ZNF214: variants seen among roughly 807,000 people sequenced by gnomAD.
ZNF214 encodes the protein zinc finger protein 214, also known as BWSCR2-associated zinc finger protein 1.
In ZNF214, 43 loss-of-function variants were observed where a neutral mutation model predicts 53.9. That is an observed-to-expected ratio of 0.80 (90% confidence interval 0.63 to 1.03). The LOEUF is 1.03. Among genes scored for constraint, ZNF214 ranks in the 50% least tolerant of loss-of-function variants. The pLI, the probability that ZNF214 is intolerant of heterozygous loss-of-function variation, is 0.00. For synonymous variants in ZNF214, 217 were observed against 229.5 expected (o/e 0.95, Z 0.49); for missense variants, 724 against 719.1 (o/e 1.01, Z -0.08).
chr11:7,013,601 G>A lies in ZNF214; in HGVS notation c.-21+6472C>T, dbSNP rs554377538. Among the ~76,000 whole-genome samples, 183 of 152,318 alleles carry A rather than the reference G, an allele frequency of 1.2e-3. 2 individuals carry two copies. Among genetic ancestry groups the A allele is most frequent in the Middle Eastern group, 6.8e-3 (2 of 294 alleles). ...TACCAATAAATAGCGTGGGCTCCCA[G>A]AGCTTGGGGCCTTCGCAGCCTCCGT... On this transcript the variant is annotated intron_variant, in intron 1 of 2. Coordinates refer to ENST00000278314, the MANE Select transcript of ZNF214 (RefSeq NM_013249.4).
chr11:6,999,035 A>G lies in ZNF214; in HGVS notation c.*827T>C, dbSNP rs1017032660. 1.3e-5 allele frequency among the ~76,000 whole-genome samples: 2 copies of G among 151,974 alleles called. No homozygotes were observed. Among genetic ancestry groups the G allele is most frequent in the Non-Finnish European group, 2.9e-5 (2 of 67,934 alleles). On this transcript the variant is annotated 3_prime_UTR_variant, in exon 3 of 3. Coordinates refer to ENST00000278314, the MANE Select transcript of ZNF214 (RefSeq NM_013249.4). ...TCTATTACCACTCTGTTCTACTGAG[A>G]TTAAATAAAATTCTACTGCTTGGAT...
chr11:7,016,195 T>C (rs886245652), intron 1 of ZNF214, among the ~76,000 whole-genome samples: 5 of 152,206 alleles, frequency 3.3e-5, no homozygotes, highest in Non-Finnish European at 5.9e-5. Flanking sequence ...ATGTATGATC[T>C]TGTTTAACAT....
At position 7,001,527 on chromosome 11, in the gene ZNF214, T is replaced by C; in HGVS notation, c.156A>G (p.Gln52=). The change falls in exon 3 of 3, where the codon CAA becomes CAG. Residue 52 remains glutamine, a synonymous_variant. Coordinates refer to ENST00000278314, the MANE Select transcript of ZNF214 (RefSeq NM_013249.4). ...ATTCTAAGTATCTGAATTTTTCTTCTTGGGATTTGTAGCTCTCATTCCAGT... is the reference window on the plus strand; with the variant it reads ...ATTCTAAGTATCTGAATTTTTCTTCCTGGGATTTGTAGCTCTCATTCCAGT... ...VENWNESYKS[Q]EEKFRYLEYE... 1 of 1,607,020 alleles carries C rather than the reference T, an allele frequency of 6.2e-7. No individual in the cohort carries two copies. Among genetic ancestry groups the C allele is most frequent in the Non-Finnish European group, 8.5e-7 (1 of 1,175,872 alleles).
In ZNF214 at chr11:7,001,045, GA is replaced by G. The variant is rs760169005; in HGVS notation, c.637del (p.Ser213GlnfsTer58). 1 of 1,613,184 alleles carries G rather than the reference GA, an allele frequency of 6.2e-7. No individual in the cohort carries two copies. The highest frequency in any genetic ancestry group is 8.5e-7 in the Non-Finnish European group (1 of 1,179,548). On this transcript the variant is annotated frameshift_variant, in exon 3 of 3. Transcript: ENST00000278314. LOFTEE classifies it high-confidence loss of function. ...VICQEDLLRD[S>X]MEEKYCGCNK... ...ACATCCACAGTACTTTTCTTCCATTGAATCTCTCAGTAGGTCTTCTTGACAT... is the reference window on the plus strand; with the variant it reads ...ACATCCACAGTACTTTTCTTCCATTGATCTCTCAGTAGGTCTTCTTGACAT...
At chr11:7,019,779 T>C (rs987343745) in intron 1 of ZNF214, 2 of 152,266 alleles carry the variant, frequency 1.3e-5, no homozygotes, top group African/African-American at 4.8e-5. Context: ...GTTAACCCTC[T>C]TTCTCTAGGG....
In ZNF214 at chr11:7,012,570, G is replaced by A. The variant is rs186834043; in HGVS notation, c.-21+7503C>T. ...TCACAAGCTAGTTAATCAAAGGGGG[G>A]AAAAGGAGCACAAATAGAAAAAAAT... On this transcript the variant is annotated intron_variant, in intron 1 of 2. Coordinates refer to ENST00000278314, the MANE Select transcript of ZNF214 (RefSeq NM_013249.4). Among the ~76,000 whole-genome samples the A allele has an allele frequency of 4.1e-3, 618 of 152,090 alleles. 6 individuals are homozygous for A. Among genetic ancestry groups the A allele is most frequent in the African/African-American group, 0.014 (588 of 41,500 alleles).
chr11:7,014,975 T>C (rs1215582503), intron 1 of ZNF214, among the ~76,000 whole-genome samples: 2 of 152,124 alleles, frequency 1.3e-5, no homozygotes, highest in East Asian at 3.9e-4. Flanking sequence ...TTTTAAATTG[T>C]ACGTATGTTT....
Position 7,000,422 on chromosome 11 carries a change from T to C in ZNF214, c.1261A>G (p.Lys421Glu), listed in dbSNP as rs780494151. The change falls in exon 3 of 3, where the codon AAA (lysine) becomes GAA (glutamate). Residue 421 changes from lysine to glutamate, a missense_variant. By Grantham distance (56) the Lys-to-Glu change is moderately conservative. Coordinates refer to ENST00000278314, the MANE Select transcript of ZNF214 (RefSeq NM_013249.4). ...AGATTTGAGCGCTGGGTAAAGCCTTTACCACAGTCTTCACATTTATAAGAC... is the reference window on the plus strand; with the variant it reads ...AGATTTGAGCGCTGGGTAAAGCCTTCACCACAGTCTTCACATTTATAAGAC... ...EKSYKCEDCGKGFTQRSNLQI... is the reference protein window; with the variant it reads ...EKSYKCEDCGEGFTQRSNLQI... The C allele has an allele frequency of 1.2e-5, 19 of 1,613,278 alleles. No homozygotes were observed. Among genetic ancestry groups the C allele is most frequent in the East Asian group, 2.2e-5 (1 of 44,862 alleles).
rs138432029 is a variant in ZNF214, at chr11:7,001,153, G to A, written c.530C>T (p.Ser177Phe). The change falls in exon 3 of 3, where the codon TCC (serine) becomes TTC (phenylalanine). Residue 177 changes from serine to phenylalanine, a missense_variant. Physicochemically the swap from Ser to Phe is radical, Grantham distance 155. Transcript: ENST00000278314. ...YRLGISRKNL[S>F]MEKEQKLIVQ... ...TATGAGCTTCTGTTCTTTTTCCATG[G>A]AGAGGTTTTTCCTGGATATGCCAAG... 7.0e-4 allele frequency: 1,122 copies of A among 1,613,256 alleles called. 8 individuals are homozygous for A. In the African/African-American group the frequency reaches 0.012, roughly 18 times the overall value.
chr11:7,009,329 A>G (rs988364413), intron 1 of ZNF214, among the ~76,000 whole-genome samples: 5 of 152,214 alleles, frequency 3.3e-5, no homozygotes, highest in African/African-American at 1.2e-4. Flanking sequence ...CAATGGGGAA[A>G]GGACTCCTAT....
chr11:7,002,546 G>A (rs1851378520), intron 2 of ZNF214, among the ~76,000 whole-genome samples, 163 bp downstream of exon 2: 1 of 151,888 alleles, frequency 6.6e-6, no homozygotes, highest in Non-Finnish European at 1.5e-5. Context: ...TAGGTGTCCT[G>A]GAATCTGTCT....
In ZNF214 at chr11:7,000,038, T is replaced by C; in HGVS notation, c.1645A>G (p.Thr549Ala). 6.2e-7 allele frequency: 1 copy of C among 1,613,350 alleles called. No homozygotes were observed. Among genetic ancestry groups the C allele is most frequent in the Non-Finnish European group, 8.5e-7 (1 of 1,179,542 alleles). The change falls in exon 3 of 3, where the codon ACA becomes GCA. Residue 549 changes from threonine (T) to alanine (A), a missense_variant. Thr to Ala is a moderately conservative substitution (Grantham distance 58). Coordinates refer to ENST00000278314, the MANE Select transcript of ZNF214 (RefSeq NM_013249.4). ...GCACATTGATAAGGCTTCTCTCCTG[T>C]ATGGACCCTCTGATGAATGTGAAGA... ...SNLHIHQRVH[T>A]GEKPYQCAKC...
At chr11:7,013,949 A>C (rs1363591180) in intron 1 of ZNF214, among the ~76,000 whole-genome samples, 4 of 152,244 alleles carry the variant, frequency 2.6e-5, no homozygotes, top group African/African-American at 9.6e-5. Context: ...ACTTATTAAA[A>C]TTCAACATGC....
In ZNF214 at chr11:6,998,656, T is replaced by A. The variant is rs1237232209; in HGVS notation, c.*1206A>T. On this transcript the variant is annotated 3_prime_UTR_variant, in exon 3 of 3. Coordinates refer to ENST00000278314, the MANE Select transcript of ZNF214 (RefSeq NM_013249.4). ...CTTTAGATACTCTTCTCTACTTGTA[T>A]ATTTCTACTCTATCTTTACTGAGTT... Among the ~76,000 whole-genome samples, 1 of 152,012 alleles carries A rather than the reference T, an allele frequency of 6.6e-6. No individual in the cohort carries two copies. Among genetic ancestry groups the A allele is most frequent in the Admixed American group, 6.6e-5 (1 of 15,234 alleles).
intron 1 of ZNF214, among the ~76,000 whole-genome samples, chr11:7,013,701 C>A (rs1851672026): frequency 6.6e-6 from 1 of 152,120 alleles, no homozygotes; most frequent in Non-Finnish European, 1.5e-5. Flanking sequence ...TTTGACTCCG[C>A]CGGACTTTGT....
Position 7,001,056 on chromosome 11 carries a change from T to C in ZNF214, c.627A>G (p.Leu209=). Reference sequence around the variant, plus strand: ...ACTTTTCTTCCATTGAATCTCTCAGTAGGTCTTCTTGACATATCACCCCAA... The same window carrying C: ...ACTTTTCTTCCATTGAATCTCTCAGCAGGTCTTCTTGACATATCACCCCAA... The part of the protein sequence containing the change: ...QYVGVICQED[L]LRDSMEEKYC... Residue 209 remains leucine (L), a synonymous_variant, in exon 3 of 3, where the codon CTA becomes CTG. Transcript: ENST00000278314. 6.2e-7 allele frequency: 1 copy of C among 1,613,310 alleles called. No homozygotes were observed. The highest frequency in any genetic ancestry group is 8.5e-7 in the Non-Finnish European group (1 of 1,179,584).
At chr11:7,006,743 T>C (rs17193651) in intron 1 of ZNF214, among the ~76,000 whole-genome samples, 11,947 of 152,100 alleles carry the variant, frequency 0.079, 606 homozygotes, top group Admixed American at 0.15. Flanking sequence ...TCCTGTCTCT[T>C]AGATTGACAG....
In ZNF214 at chr11:7,016,089, G is replaced by T. The variant is rs190510054; in HGVS notation, c.-21+3984C>A. The T allele has an allele frequency of 1.1e-3, 167 of 151,574 alleles. 1 individual carries two copies. The highest frequency in any genetic ancestry group is 3.6e-3 in the African/African-American group (149 of 41,400). The allele number at this position is 151,574 out of a possible 1,614,324, so 9.4% of individuals were successfully genotyped here. A position where few individuals can be genotyped will look rare whatever the true frequency, so the allele number is the denominator to read the frequency against. ...ATTCTTACGTCTTAGTGACTAAAAA[G>T]AATTATATCAGATATGCATTATAGT... On this transcript the variant is annotated intron_variant, in intron 1 of 2. Coordinates refer to ENST00000278314, the MANE Select transcript of ZNF214 (RefSeq NM_013249.4).
At position 7,000,733 on chromosome 11, in the gene ZNF214, C is replaced by G; in HGVS notation, c.950G>C (p.Ser317Thr). Residue 317 changes from serine (S) to threonine (T), a missense_variant, in exon 3 of 3, where the codon AGT becomes ACT. By Grantham distance (58) the Ser-to-Thr change is moderately conservative. Transcript: ENST00000278314. ...ACGKSFSQIS[S>T]LHNHQRVHTE... ...GTGGACTCTTTGATGATTGTGAAGACTAGAGATCTGGCTGAAGCTCTTACC... is the reference window on the plus strand; with the variant it reads ...GTGGACTCTTTGATGATTGTGAAGAGTAGAGATCTGGCTGAAGCTCTTACC... The G allele has an allele frequency of 6.2e-7, 1 of 1,610,746 alleles. No homozygotes were observed. The highest frequency in any genetic ancestry group is 1.7e-4 in the Middle Eastern group (1 of 6,052).
Sources: allele counts gnomAD v4.1 joint callset (sites outside exome capture counted in the v4.1 genomes callset), GRCh38; gene constraint gnomAD v4.1.1; transcripts MANE v1.5; gene names NCBI Gene and HGNC (gene_info 2026-07-23, HGNC 2026-07-21).